Variants in C16orf74 observed in about 807,000 individuals in gnomAD.
The protein encoded by C16orf74 is calcimembrin.
C16orf74 carries 10 observed loss-of-function variants against 6.5 expected under a neutral mutation model. The ratio of observed to expected loss-of-function variants is 1.54; its 90% CI spans 0.95 to 2.61. C16orf74 has a LOEUF of 2.61. Among genes scored for constraint, C16orf74 ranks in the 30% most tolerant of loss-of-function variants. The pLI, the probability that C16orf74 is intolerant of heterozygous loss-of-function variation, is 0.00. For synonymous variants in C16orf74, 60 were observed against 42.5 expected (o/e 1.41, Z -1.60); for missense variants, 141 against 105.9 (o/e 1.33, Z -1.45).
intron 2 of C16orf74, among the ~76,000 whole-genome samples, chr16:85,723,642 C>G (rs2054104706): frequency 6.6e-6 from 1 of 152,178 alleles, no homozygotes; most frequent in Non-Finnish European, 1.5e-5. Context: ...AATGTTCCAC[C>G]CTAGGCCACC....
chr16:85,748,300 TGA>T (rs1178302477), intron 1 of C16orf74, among the ~76,000 whole-genome samples: 2 of 151,864 alleles, frequency 1.3e-5, no homozygotes, highest in African/African-American at 4.8e-5. Context: ...GGCAAATGGT[TGA>T]GAGAGTTATT....
At chr16:85,735,801 G>C (rs909659915) in intron 1 of C16orf74, among the ~76,000 whole-genome samples, 1 of 152,002 alleles carries the variant, frequency 6.6e-6, no homozygotes, top group Non-Finnish European at 1.5e-5. Flanking sequence ...TTCTCATGAT[G>C]TTCCTGCAAC....
At chr16:85,733,720 C>T (rs920777252) in intron 2 of C16orf74, among the ~76,000 whole-genome samples, 15 of 152,160 alleles carry the variant, frequency 9.9e-5, no homozygotes, top group African/African-American at 3.6e-4. Context: ...CACAGATACT[C>T]ATTCAACAAA....
chr16:85,723,176 C>G (rs1282141052), intron 2 of C16orf74, among the ~76,000 whole-genome samples: 3 of 149,308 alleles, frequency 2.0e-5, no homozygotes, highest in Non-Finnish European at 1.5e-5. Flanking sequence ...AGGAGAATCA[C>G]TTGAACCCAG....
At chr16:85,735,165 G>T in intron 2 of C16orf74, 25 bp downstream of exon 2, 1 of 1,595,940 alleles carries the variant, frequency 6.3e-7, no homozygotes, top group South Asian at 1.1e-5. Flanking sequence ...ATGAGAGCTG[G>T]TGGGGGCAGA....
Position 85,707,800 on chromosome 16 carries a change from C to T in C16orf74, c.*208G>A. ...AACCTGGAGGTGTCAGAGGTCCGGT[C>T]CACTCAGCGGGGCCTGGGAAACACT... On this transcript the variant is annotated 3_prime_UTR_variant, in exon 4 of 4. Coordinates refer to ENST00000284245, the MANE Select transcript of C16orf74 (RefSeq NM_206967.3). The T allele has an allele frequency of 1.7e-6, 1 of 578,888 alleles. No homozygotes were observed. The highest frequency in any genetic ancestry group is 3.1e-6 in the Non-Finnish European group (1 of 324,714). The allele number at this position is 578,888 out of a possible 1,614,324, so 35.9% of individuals were successfully genotyped here.
intron 1 of C16orf74, among the ~76,000 whole-genome samples, chr16:85,739,931 C>T (rs972950175): frequency 2.2e-4 from 33 of 151,854 alleles, no homozygotes; most frequent in Admixed American, 6.6e-5. Flanking sequence ...CTTGCTCGGC[C>T]GGGCGCAGTG....
At chr16:85,734,829 T>A (rs747368753) in intron 2 of C16orf74, among the ~76,000 whole-genome samples, 1 of 152,164 alleles carries the variant, frequency 6.6e-6, no homozygotes, top group Non-Finnish European at 1.5e-5. Context: ...GTCTGGGTGA[T>A]AACAGGCCCC....
intron 2 of C16orf74, among the ~76,000 whole-genome samples, chr16:85,720,537 G>C (rs534016656): frequency 1.6e-3 from 239 of 152,232 alleles, no homozygotes; most frequent in African/African-American, 5.5e-3. Context: ...GAAGGACAAG[G>C]ACAAAGGATT....
In C16orf74 at chr16:85,749,174, C is replaced by G. The variant is rs778325849; in HGVS notation, c.-19+1752G>C. Among the ~76,000 whole-genome samples, 32 of 152,150 alleles carry G rather than the reference C, an allele frequency of 2.1e-4. 1 individual carries two copies. Among genetic ancestry groups the G allele is most frequent in the Non-Finnish European group, 4.0e-4 (27 of 68,036 alleles). On this transcript the variant is annotated intron_variant, in intron 1 of 3. Transcript: ENST00000284245. ...GCTTCCACTGCAGGTAAGAGCAATT[C>G]AGTACCACGGCTCAGGGTTCCAGGC...
intron 1 of C16orf74, among the ~76,000 whole-genome samples, chr16:85,736,206 G>C (rs986838046): frequency 6.6e-6 from 1 of 152,132 alleles, no homozygotes; most frequent in Non-Finnish European, 1.5e-5. Flanking sequence ...GGCTGGTTTG[G>C]AGTTAAGAGC....
At chr16:85,728,675 G>A (rs760013561) in intron 2 of C16orf74, among the ~76,000 whole-genome samples, 6 of 152,206 alleles carry the variant, frequency 3.9e-5, no homozygotes, top group Non-Finnish European at 8.8e-5. Context: ...TAGCAGGAAG[G>A]TGTAACGGCT....
At chr16:85,731,696 T>C (rs1212728264) in intron 2 of C16orf74, among the ~76,000 whole-genome samples, 4 of 150,928 alleles carry the variant, frequency 2.7e-5, no homozygotes, top group Admixed American at 6.6e-5. Flanking sequence ...ATGTCATTTT[T>C]TTTTTTTTTG....
intron 2 of C16orf74, among the ~76,000 whole-genome samples, chr16:85,726,388 G>C (rs976415439): frequency 3.9e-5 from 6 of 152,200 alleles, no homozygotes; most frequent in African/African-American, 1.4e-4. Context: ...CGCACTGGAA[G>C]GGAACCAGCA....
At position 85,737,697 on chromosome 16, in the gene C16orf74, G is replaced by C. The variant is rs755037604; in HGVS notation, c.-18-2462C>G. ...ATACAAAAAATTAGCTGGGTGTGGT[G>C]GTGGGTGCCTGTAATCCCAGCTACT... On this transcript the variant is annotated intron_variant, in intron 1 of 3. Transcript: ENST00000284245. Among the ~76,000 whole-genome samples, 6 of 152,248 alleles carry C rather than the reference G, an allele frequency of 3.9e-5. 2 individuals carry two copies. The highest frequency in any genetic ancestry group is 2.4e-5 in the African/African-American group (1 of 41,554).
intron 2 of C16orf74, among the ~76,000 whole-genome samples, chr16:85,734,981 C>T (rs777648061): frequency 1.3e-5 from 2 of 152,228 alleles, no homozygotes; most frequent in Non-Finnish European, 2.9e-5. Context: ...CCTTCCCAGT[C>T]ACCCACTGCT....
At chr16:85,736,027 C>G (rs902160995) in intron 1 of C16orf74, among the ~76,000 whole-genome samples, 1 of 152,136 alleles carries the variant, frequency 6.6e-6, no homozygotes, top group Non-Finnish European at 1.5e-5. Context: ...GACTCGAACC[C>G]AGGACTGTCC....
At chr16:85,749,294 ATTTT>A (rs1447450863) in intron 1 of C16orf74, among the ~76,000 whole-genome samples, 4 of 151,768 alleles carry the variant, frequency 2.6e-5, no homozygotes, top group Admixed American at 2.6e-4. Context: ...ATTTATTATT[ATTTT>A]TTTAAGAGAC....
intron 2 of C16orf74, among the ~76,000 whole-genome samples, chr16:85,731,111 TTCAAG>T (rs2054183208): frequency 6.6e-6 from 1 of 152,214 alleles, no homozygotes; most frequent in Non-Finnish European, 1.5e-5. Context: ...TTTATGATTC[TTCAAG>T]TCCTCTCCAG....
Sources: gnomAD v4.1 joint callset for allele counts (sites outside exome capture counted in the v4.1 genomes callset) on GRCh38, gnomAD v4.1.1 for gene constraint, MANE v1.5 for transcripts, NCBI Gene and HGNC (gene_info 2026-07-23, HGNC 2026-07-21) for gene names.